AARS2: variants seen among roughly 807,000 people sequenced by gnomAD.
AARS2 encodes the protein alanyl-tRNA synthetase 2, mitochondrial.
A neutral mutation model predicts 119.7 loss-of-function variants in AARS2; 78 were observed. That is an observed-to-expected ratio of 0.65 (90% confidence interval 0.54 to 0.79). AARS2 has a LOEUF of 0.79. AARS2 is among the 30% of genes least tolerant of loss of function. The pLI, the probability that AARS2 is intolerant of heterozygous loss-of-function variation, is 0.00. For missense variants in AARS2, 1,157 were observed against 1,291.3 expected (o/e 0.90, Z 1.59); for synonymous variants, 502 against 526.3 (o/e 0.95, Z 0.63).
rs766485554 is a variant in AARS2, at chr6:44,307,021, G to A, written c.1051C>T (p.Arg351Cys). 1.9e-5 allele frequency: 30 copies of A among 1,613,940 alleles called. No homozygotes were observed. Among genetic ancestry groups the A allele is most frequent in the South Asian group, 2.2e-5 (2 of 91,090 alleles). The change falls in exon 7 of 22, where the codon CGT becomes TGT. Residue 351 changes from arginine to cysteine, a missense_variant. Coordinates refer to ENST00000244571, the MANE Select transcript of AARS2 (RefSeq NM_020745.4). The surrounding 1 kb of genome is among the most constrained non-coding windows in gnomAD (Gnocchi z 4.4). ...PGMSGPPLVL[R>C]RILRRAVRFS... ...CGCACAGCTCGACGCAGGATCCGAC[G>A]AAGAACCAGCCTAAAGGGGTTCAGA... is the stretch of plus-strand genomic sequence containing the variant.
chr6:44,300,454 A>G lies in AARS2; in HGVS notation c.*93T>C. On this transcript the variant is annotated 3_prime_UTR_variant, in exon 22 of 22. Transcript: ENST00000244571. ...CTCAGCTGCTTGGCCTCCAGCCTCT[A>G]GTCCTCGCTTCAGCATGTGGGAAGG... 6.4e-7 allele frequency: 1 copy of G among 1,570,592 alleles called. No individual in the cohort carries two copies. Among genetic ancestry groups the G allele is most frequent in the South Asian group, 1.1e-5 (1 of 89,998 alleles).
chr6:44,304,802 T>C lies in AARS2; in HGVS notation c.1595A>G (p.Glu532Gly), dbSNP rs150729948. 134 of 1,614,004 alleles carry C rather than the reference T, an allele frequency of 8.3e-5. No individual in the cohort carries two copies. The highest frequency in any genetic ancestry group is 1.1e-4 in the Non-Finnish European group (127 of 1,180,010). Residue 532 changes from glutamate to glycine, a missense_variant, in exon 12 of 22, where the codon GAG becomes GGG. By Grantham distance (98) the Glu-to-Gly change is moderately conservative. Coordinates refer to ENST00000244571, the MANE Select transcript of AARS2 (RefSeq NM_020745.4). ...PSGSYEFGTC[E>G]AQVLQLYTED... ...TGTATACAGTTGCAACACCTGGGCC[T>C]CACAGGTGCCGAACTCTGCCAGGGC...
Position 44,306,956 on chromosome 6 carries a change from T to C in AARS2, c.1116A>G (p.Leu372=). 1 of 1,614,018 alleles carries C rather than the reference T, an allele frequency of 6.2e-7. No individual in the cohort carries two copies. Among genetic ancestry groups the C allele is most frequent in the South Asian group, 1.1e-5 (1 of 91,074 alleles). ...CCACCACTACAGGTACCAGGCTGCC[T>C]AGGAAGCCAGGTGGTGCCTTTAAGA... is the stretch of plus-strand genomic sequence containing the variant. The part of the protein sequence containing the change: ...MEILKAPPGF[L]GSLVPVVVET... The change falls in exon 7 of 22, where the codon CTA becomes CTG. Residue 372 remains leucine (L), a synonymous_variant. Coordinates refer to ENST00000244571, the MANE Select transcript of AARS2 (RefSeq NM_020745.4).
chr6:44,303,063 C>T lies in AARS2; in HGVS notation c.2255+3G>A, dbSNP rs1785497034. The T allele has an allele frequency of 6.2e-7, 1 of 1,613,902 alleles. No individual in the cohort carries two copies. The highest frequency in any genetic ancestry group is 1.3e-5 in the African/African-American group (1 of 74,948). ...GGCCAGGCAGCACAAAGGAGTGACT[C>T]ACGTCCCACAGCATAGCTCCACAGA... On this transcript the variant is annotated splice_donor_region_variant and intron_variant, in intron 16 of 21. Coordinates refer to ENST00000244571, the MANE Select transcript of AARS2 (RefSeq NM_020745.4).
At position 44,303,286 on chromosome 6, in the gene AARS2, CT is replaced by C. The variant is rs1785522469; in HGVS notation, c.2144del (p.Glu715GlyfsTer46). On this transcript the variant is annotated frameshift_variant and splice_region_variant, in exon 15 of 22. Transcript: ENST00000244571. LOFTEE classifies it high-confidence loss of function. ...CAGCAAAAGGGCTTCCCCAACTCAC[CT>C]CATCCAGAGAGCGCAGGCCAGGGAC... is the stretch of plus-strand genomic sequence containing the variant. ...AQVPGLRSLD[E>X]VYPDPVRVVS... is the part of the protein sequence containing the mutation. 1 of 1,614,144 alleles carries C rather than the reference CT, an allele frequency of 6.2e-7. No homozygotes were observed. The highest frequency in any genetic ancestry group is 1.3e-5 in the African/African-American group (1 of 75,064).
At position 44,305,721 on chromosome 6, in the gene AARS2, T is replaced by C. The variant is rs370375429; in HGVS notation, c.1366A>G (p.Met456Val). The C allele has an allele frequency of 1.9e-6, 3 of 1,614,094 alleles. No individual in the cohort carries two copies. Among genetic ancestry groups the C allele is most frequent in the Non-Finnish European group, 2.5e-6 (3 of 1,180,004 alleles). ...LGLPLDMVEL[M>V]LEEKGVQLDS... ...AGCTGGACCCCTTTCTCCTCCAGCATCAGCTCTACCATGTCCAAGGGGAGT... is the reference window on the plus strand; with the variant it reads ...AGCTGGACCCCTTTCTCCTCCAGCACCAGCTCTACCATGTCCAAGGGGAGT... Residue 456 changes from methionine (M) to valine (V), a missense_variant, in exon 10 of 22, where the codon ATG becomes GTG. Coordinates refer to ENST00000244571, the MANE Select transcript of AARS2 (RefSeq NM_020745.4). The surrounding 1 kb of genome is among the most constrained non-coding windows in gnomAD (Gnocchi z 4.6).
At position 44,301,382 on chromosome 6, in the gene AARS2, G is replaced by A; in HGVS notation, c.2681C>T (p.Ser894Leu). 1.2e-6 allele frequency: 2 copies of A among 1,613,982 alleles called. No individual in the cohort carries two copies. The highest frequency in any genetic ancestry group is 4.5e-5 in the East Asian group (2 of 44,880). ...IVDTVSAESLSVLVKVVRQLC... is the reference protein window; with the variant it reads ...IVDTVSAESLLVLVKVVRQLC... ...CAGCCCGGCTTGGCTAGCACTCACT[G>A]AGAGAGACTCAGCAGAGACTGTGTC... The change falls in exon 20 of 22, where the codon TCA becomes TTA. Residue 894 changes from serine (S) to leucine (L), a missense_variant and splice_region_variant. Transcript: ENST00000244571.
rs78610788 is a variant in AARS2 at position 44,304,136 on chromosome 6, T to A, written c.2007+45A>T. 2.9e-3 allele frequency: 4,694 copies of A among 1,611,142 alleles called. 112 individuals carry two copies. The African/African-American group carries it at 0.055, about 19-fold the overall frequency. Reference sequence around the variant, plus strand: ...CTCACAGCAGGCTGTCTCTCTTTTATGCCTGTCACCTCACATGAAGCCTGT... The same window carrying A: ...CTCACAGCAGGCTGTCTCTCTTTTAAGCCTGTCACCTCACATGAAGCCTGT... On this transcript the variant is annotated intron_variant, in intron 14 of 21. Coordinates refer to ENST00000244571, the MANE Select transcript of AARS2 (RefSeq NM_020745.4).
At chr6:44,308,644 G>C (rs1467650222) in intron 5 of AARS2, among the ~76,000 whole-genome samples, 1 of 152,060 alleles carries the variant, frequency 6.6e-6, no homozygotes, top group African/African-American at 2.4e-5. Flanking sequence ...CTGTTGCCCA[G>C]GTTAGAGTGC....
In AARS2 at chr6:44,301,286, T is replaced by C. The variant is rs325007; in HGVS notation, c.2683-20A>G. On this transcript the variant is annotated intron_variant, in intron 20 of 21. Transcript: ENST00000244571. ...CAGCACCTGGACCACGAAAGACAGATGGTGAGCCCATCGCTTCCCAGACCC... is the reference window on the plus strand; with the variant it reads ...CAGCACCTGGACCACGAAAGACAGACGGTGAGCCCATCGCTTCCCAGACCC... 1,540,947 of 1,613,724 alleles carry C rather than the reference T, an allele frequency of 0.95. 739,307 individuals are homozygous for C. Among genetic ancestry groups the C allele is most frequent in the East Asian group, 1 (44,805 of 44,858 alleles).
chr6:44,312,341 G>T, intron 1 of AARS2, 78 bp from the exon 2 acceptor site: 1 of 1,456,226 alleles, frequency 6.9e-7, no homozygotes, highest in East Asian at 2.3e-5. Context: ...AGTGAGGATA[G>T]GGATGGCTGT....
Position 44,311,017 on chromosome 6 carries a change from GT to G in AARS2, c.725del (p.Asn242ThrfsTer68). 2 of 1,613,986 alleles carry G rather than the reference GT, an allele frequency of 1.2e-6. No homozygotes were observed. Among genetic ancestry groups the G allele is most frequent in the Non-Finnish European group, 1.7e-6 (2 of 1,180,032 alleles). On this transcript the variant is annotated frameshift_variant, in exon 4 of 22. Coordinates refer to ENST00000244571, the MANE Select transcript of AARS2 (RefSeq NM_020745.4). LOFTEE classifies it high-confidence loss of function. ...VGAPQLVELW[N>X]LVFMQHNREA... ...ACCTGTTGTGTTGCATGAAGACCAG[GT>G]TCCAAAGCTCTACCAGCTGGGGGGC...
chr6:44,303,950 C>T (rs373497711), intron 14 of AARS2, among the ~76,000 whole-genome samples: 15 of 152,244 alleles, frequency 9.9e-5, no homozygotes, highest in African/African-American at 3.4e-4. Flanking sequence ...TGCTGGAGGG[C>T]CTTCAGGATC....
At chr6:44,302,772 C>T (rs1335090867) in intron 17 of AARS2, 30 bp downstream of exon 17, 3 of 1,600,478 alleles carry the variant, frequency 1.9e-6, no homozygotes, top group Non-Finnish European at 2.6e-6. Flanking sequence ...CCACTCAACC[C>T]AGAAGTCCCA....
intron 19 of AARS2, 30 bp downstream of exon 19, chr6:44,302,030 G>A (rs1351794646): frequency 1.9e-6 from 3 of 1,607,888 alleles, no homozygotes; most frequent in Non-Finnish European, 2.6e-6. Context: ...GTGTCTCTGG[G>A]CACATGGGTG....
At chr6:44,308,777 T>C (rs1786091699) in intron 5 of AARS2, among the ~76,000 whole-genome samples, 1 of 152,016 alleles carries the variant, frequency 6.6e-6, no homozygotes, top group Non-Finnish European at 1.5e-5. Context: ...TTTTTCTATT[T>C]TTTTAGTAGA....
intron 21 of AARS2, 180 bp from the exon 22 acceptor site, chr6:44,300,891 G>A (rs1251604243): frequency 1.2e-5 from 10 of 802,224 alleles, no homozygotes; most frequent in South Asian, 3.2e-5. Flanking sequence ...GTGGGGAGGT[G>A]TATGAACGTG....
At position 44,307,508 on chromosome 6, in the gene AARS2, C is replaced by T; in HGVS notation, c.895-114G>A. On this transcript the variant is annotated intron_variant, in intron 5 of 21. Transcript: ENST00000244571. The surrounding 1 kb of genome is among the most constrained non-coding windows in gnomAD (Gnocchi z 4.4). ...CTAAAGCCAACCACATCCAGAATGG[C>T]CTTGCCAGTCCAGTCCTGGGCTGAG... 7.3e-7 allele frequency: 1 copy of T among 1,370,566 alleles called. No homozygotes were observed. The highest frequency in any genetic ancestry group is 1.0e-6 in the Non-Finnish European group (1 of 1,001,376). The allele number at this position is 1,370,566 out of a possible 1,614,324, so 84.9% of individuals were successfully genotyped here. A position where few individuals can be genotyped will look rare whatever the true frequency, so the allele number is the denominator to read the frequency against.
At chr6:44,306,599 G>A (rs1785875512) in intron 7 of AARS2, 67 bp from the exon 8 acceptor site, 2 of 1,586,708 alleles carry the variant, frequency 1.3e-6, no homozygotes, top group Non-Finnish European at 1.7e-6. Flanking sequence ...TCCCCACCCT[G>A]GGCCTCCCTG....
Sources: gnomAD v4.1 joint callset for allele counts (sites outside exome capture counted in the v4.1 genomes callset) on GRCh38, gnomAD v4.1.1 for gene constraint, Gnocchi (gnomAD v3.1) non-coding constraint, MANE v1.5 for transcripts, NCBI Gene and HGNC (gene_info 2026-07-23, HGNC 2026-07-21) for gene names.